RANBP2: variants seen among roughly 807,000 people sequenced by gnomAD.
RANBP2 encodes the protein RAN binding protein 2.
In RANBP2, 57 loss-of-function variants were observed where a neutral mutation model predicts 303.6. The observed-to-expected ratio is 0.19, with a 90% confidence interval of 0.15 to 0.23. The LOEUF is 0.23. Among genes scored for constraint, RANBP2 ranks in the 10% least tolerant of loss-of-function variants. The pLI is 1.00. For missense variants in RANBP2, 3,138 were observed against 3,780.8 expected (o/e 0.83, Z 4.46); for synonymous variants, 1,167 against 1,301.5 (o/e 0.90, Z 2.23).
chr2:109,194,311 G>A, the RANBP2 span, among the ~76,000 whole-genome samples: 1 of 152,198 alleles, frequency 6.6e-6, no homozygotes, highest in Non-Finnish European at 1.5e-5. Flanking sequence ...GGGGACTTTC[G>A]AAAGCTTGGG....
the RANBP2 span, among the ~76,000 whole-genome samples, chr2:108,995,119 C>CGCATTGGGTTTTATTTATTA: frequency 3.9e-5 from 6 of 152,164 alleles, no homozygotes; most frequent in Admixed American, 1.3e-4. Flanking sequence ...CATGAGCCAC[C>CGCATTGGGTTTTATTTATTA]GTGCCCGGCC....
chr2:109,032,227 G>A, the RANBP2 span, among the ~76,000 whole-genome samples: 1 of 152,082 alleles, frequency 6.6e-6, no homozygotes, highest in Non-Finnish European at 1.5e-5. Flanking sequence ...TTACCTGTCT[G>A]CCTGCACATC....
chr2:109,738,968 C>T, the RANBP2 span, among the ~76,000 whole-genome samples: 3 of 150,222 alleles, frequency 2.0e-5, no homozygotes, highest in African/African-American at 7.3e-5. Context: ...CATTCTTTTG[C>T]ATATAGATAT....
At chr2:109,074,811 A>G in the RANBP2 span, among the ~76,000 whole-genome samples, 1 of 149,548 alleles carries the variant, frequency 6.7e-6, no homozygotes, top group Admixed American at 6.6e-5. Flanking sequence ...TCACGAGGTC[A>G]GGAGTTCAAG....
the RANBP2 span, among the ~76,000 whole-genome samples, chr2:109,093,406 T>TAAAAAAAAAAAAAAAAAAAAAAAAA: frequency 2.2e-5 from 2 of 90,724 alleles, no homozygotes; most frequent in Non-Finnish European, 4.3e-5. Context: ...CGGAGATTTG[T>TAAAAAAAAAAAAAAAAAAAAAAAAA]AAAAAAAAAA....
At chr2:108,812,654 C>T in the RANBP2 span, 1 of 1,612,558 alleles carries the variant, frequency 6.2e-7, no homozygotes, top group Non-Finnish European at 8.5e-7. Flanking sequence ...GTGAAGAAAA[C>T]AGGAAGATAG....
chr2:109,581,078 T>C, the RANBP2 span, among the ~76,000 whole-genome samples: 1 of 152,244 alleles, frequency 6.6e-6, no homozygotes. Context: ...TTTCCTATAT[T>C]AGAGCTATGC....
chr2:109,104,322 T>C, the RANBP2 span, among the ~76,000 whole-genome samples: 4 of 152,092 alleles, frequency 2.6e-5, no homozygotes, highest in Non-Finnish European at 5.9e-5. Context: ...TGGTCATCTG[T>C]ATGTATGCTC....
the RANBP2 span, among the ~76,000 whole-genome samples, chr2:108,833,868 C>T: frequency 6.8e-6 from 1 of 146,940 alleles, no homozygotes; most frequent in African/African-American, 2.5e-5. Flanking sequence ...GCTGGGACTA[C>T]AGGCGCCCGC....
chr2:109,087,147 C>A, the RANBP2 span, among the ~76,000 whole-genome samples: 2 of 152,138 alleles, frequency 1.3e-5, no homozygotes, highest in African/African-American at 4.8e-5. Flanking sequence ...CCTTTGGGGT[C>A]CTTGGAGATG....
chr2:108,946,730 G>A, the RANBP2 span, among the ~76,000 whole-genome samples: 2 of 152,104 alleles, frequency 1.3e-5, no homozygotes, highest in African/African-American at 4.8e-5. Flanking sequence ...GATCTCATGA[G>A]AACTCACTCA....
At chr2:109,685,267 A>G in the RANBP2 span, among the ~76,000 whole-genome samples, 1 of 152,198 alleles carries the variant, frequency 6.6e-6, no homozygotes, top group African/African-American at 2.4e-5. Flanking sequence ...TGGAACAAAC[A>G]ATGTCACAAT....
At chr2:109,045,718 C>T in the RANBP2 span, among the ~76,000 whole-genome samples, 1 of 152,044 alleles carries the variant, frequency 6.6e-6, no homozygotes, top group Non-Finnish European at 1.5e-5. Context: ...TGTGTGTTTA[C>T]TTTTAACTTT....
chr2:109,008,426 C>T, the RANBP2 span, among the ~76,000 whole-genome samples: 1 of 152,090 alleles, frequency 6.6e-6, no homozygotes, highest in East Asian at 1.9e-4. Flanking sequence ...AAACACTGCA[C>T]CCCAAAAACA....
chr2:108,754,796 C>T (rs1246061874), intron 15 of RANBP2, 109 bp from the exon 16 acceptor site: 3 of 1,530,102 alleles, frequency 2.0e-6, no homozygotes, highest in Non-Finnish European at 2.7e-6. Context: ...GTGTAAAGTG[C>T]CTATTAAAGT....
At chr2:109,567,971 G>C in the RANBP2 span, 1 of 1,589,788 alleles carries the variant, frequency 6.3e-7, no homozygotes, top group Non-Finnish European at 8.5e-7. Flanking sequence ...CTGGTATAAT[G>C]TTTACCTATT....
chr2:109,226,327 A>G, the RANBP2 span, among the ~76,000 whole-genome samples: 2 of 152,166 alleles, frequency 1.3e-5, no homozygotes, highest in African/African-American at 4.8e-5. Context: ...GACCCTGCCA[A>G]CTGTTTCAAA....
the RANBP2 span, among the ~76,000 whole-genome samples, chr2:109,355,175 C>G: frequency 7.2e-5 from 11 of 152,142 alleles, no homozygotes; most frequent in African/African-American, 2.7e-4. Context: ...AGTCTACGGG[C>G]CCACAGTGAG....
the RANBP2 span, among the ~76,000 whole-genome samples, chr2:109,181,687 G>T: frequency 2.0e-5 from 3 of 152,162 alleles, no homozygotes; most frequent in Admixed American, 2.0e-4. Context: ...GCCACAGGGG[G>T]TTCCTATTCT....
Sources: allele counts gnomAD v4.1 joint callset (sites outside exome capture counted in the v4.1 genomes callset), GRCh38; gene constraint gnomAD v4.1.1; transcripts MANE v1.5; gene names NCBI Gene and HGNC (gene_info 2026-07-23, HGNC 2026-07-21).